Variants in MARCHF4 observed in about 807,000 individuals in gnomAD.
The protein encoded by MARCHF4 is membrane associated ring-CH-type finger 4.
A neutral mutation model predicts 43.9 loss-of-function variants in MARCHF4; 14 were observed. The observed-to-expected ratio is 0.32, with a 90% confidence interval of 0.21 to 0.50. The LOEUF (loss-of-function observed/expected upper bound fraction) is 0.50, where lower values mean the gene tolerates loss of function less well. Ranked by LOEUF, MARCHF4 falls within the 20% of genes least tolerant of loss-of-function variation. The probability of loss-of-function intolerance (pLI) is 0.98; values close to 1 mark genes in which losing one functional copy is unlikely to be tolerated. For synonymous variants in MARCHF4, 226 were observed against 213.3 expected, an observed-to-expected ratio of 1.06 and a Z score of -0.52; for missense variants, 468 against 536.7, an observed-to-expected ratio of 0.87 and a Z score of 1.27.
At chr2:216,362,467 G>A (rs960100817) in intron 1 of MARCHF4, among the ~76,000 whole-genome samples, 1 of 152,224 alleles carries the variant, frequency 6.6e-6, no homozygotes, top group African/African-American at 2.4e-5. Flanking sequence ...AGACATTGAT[G>A]TTGATTCTAT....
At chr2:216,315,939 C>T (rs4674074) in intron 1 of MARCHF4, among the ~76,000 whole-genome samples, 60,636 of 151,996 alleles carry the variant, frequency 0.4, 12,971 homozygotes, top group Middle Eastern at 0.52. Context: ...GCAGGTCTGT[C>T]TGATCTGCAT....
intron 3 of MARCHF4, among the ~76,000 whole-genome samples, chr2:216,267,654 G>A (rs556836153): frequency 8.2e-4 from 125 of 152,298 alleles, no homozygotes; most frequent in African/African-American, 2.7e-3. Context: ...AAAGAAGTTT[G>A]TGGCTTGATG....
chr2:216,321,021 T>C (rs763550079), intron 1 of MARCHF4, among the ~76,000 whole-genome samples: 1 of 151,714 alleles, frequency 6.6e-6, no homozygotes, highest in Non-Finnish European at 1.5e-5. Context: ...TTCTCTGAAG[T>C]TGAGTAAGAG....
At chr2:216,336,119 T>C (rs974539099) in intron 1 of MARCHF4, among the ~76,000 whole-genome samples, 4 of 148,450 alleles carry the variant, frequency 2.7e-5, no homozygotes, top group Non-Finnish European at 3.0e-5. Context: ...ACAAGTCAAT[T>C]GGTTATTAAT....
intron 1 of MARCHF4, among the ~76,000 whole-genome samples, chr2:216,368,415 G>A (rs1438422392): frequency 6.6e-6 from 1 of 152,172 alleles, no homozygotes; most frequent in Non-Finnish European, 1.5e-5. Flanking sequence ...ATCTTAAGAT[G>A]GAAGAACCCA....
At chr2:216,349,070 A>G (rs1251401472) in intron 1 of MARCHF4, among the ~76,000 whole-genome samples, 1 of 151,804 alleles carries the variant, frequency 6.6e-6, no homozygotes, top group Non-Finnish European at 1.5e-5. Flanking sequence ...TGGTGTCTTT[A>G]GGTTTCTGCA....
chr2:216,348,223 A>G lies in MARCHF4; in HGVS notation c.516+21522T>C, dbSNP rs148751914. Among the ~76,000 whole-genome samples the G allele has an allele frequency of 6.2e-3, 938 of 151,718 alleles. 7 individuals are homozygous for G. Among genetic ancestry groups the G allele is most frequent in the African/African-American group, 0.022 (892 of 41,378 alleles). ...AGGCTAATTTTGTATTTTTAGTAGA[A>G]ATGGGGTTTCTCCATGTTGGTCAGC... is the stretch of plus-strand genomic sequence containing the variant. On this transcript the variant is annotated intron_variant, in intron 1 of 3. Transcript: ENST00000273067.
chr2:216,263,393 C>T (rs1247408781), intron 3 of MARCHF4, among the ~76,000 whole-genome samples: 28 of 150,900 alleles, frequency 1.9e-4, no homozygotes, highest in Middle Eastern at 3.4e-3. Context: ...TGCCACTGCA[C>T]TCCAGCCTGG....
At chr2:216,279,759 C>A (rs1471614099) in intron 2 of MARCHF4, among the ~76,000 whole-genome samples, 1 of 152,194 alleles carries the variant, frequency 6.6e-6, no homozygotes, top group Non-Finnish European at 1.5e-5. Context: ...GTAATTGGGC[C>A]TTTACATTTT....
intron 1 of MARCHF4, among the ~76,000 whole-genome samples, chr2:216,350,305 TG>T (rs1371753201): frequency 9.8e-6 from 1 of 101,654 alleles, no homozygotes; most frequent in African/African-American, 3.9e-5. Context: ...CCCCTCACTG[TG>T]CCACACCCCT....
At chr2:216,269,458 G>C (rs189269757) in intron 3 of MARCHF4, among the ~76,000 whole-genome samples, 3 of 152,106 alleles carry the variant, frequency 2.0e-5, no homozygotes, top group African/African-American at 7.2e-5. Context: ...CATAGGTGAG[G>C]GAACAAAGAA....
intron 1 of MARCHF4, among the ~76,000 whole-genome samples, chr2:216,361,509 G>T (rs1692578826): frequency 6.6e-6 from 1 of 152,100 alleles, no homozygotes; most frequent in Non-Finnish European, 1.5e-5. Context: ...GGTACTCAAA[G>T]TCCAGGAAAG....
chr2:216,280,424 G>A (rs554179468), intron 2 of MARCHF4, among the ~76,000 whole-genome samples: 43 of 152,164 alleles, frequency 2.8e-4, no homozygotes, highest in Non-Finnish European at 4.3e-4. Context: ...ATTGGGTTCC[G>A]CTCCTACGCA....
chr2:216,368,919 G>C (rs920640219), intron 1 of MARCHF4, among the ~76,000 whole-genome samples: 6 of 152,142 alleles, frequency 3.9e-5, no homozygotes, highest in African/African-American at 1.4e-4. Flanking sequence ...GAATGAATAG[G>C]GTAGGGAAAA....
At position 216,355,672 on chromosome 2, in the gene MARCHF4, G is replaced by A. The variant is rs116613979; in HGVS notation, c.516+14073C>T. Among the ~76,000 whole-genome samples, 42 of 152,242 alleles carry A rather than the reference G, an allele frequency of 2.8e-4. No individual in the cohort carries two copies. In the East Asian group the frequency reaches 5.6e-3, roughly 20 times the overall value. On this transcript the variant is annotated intron_variant, in intron 1 of 3. Coordinates refer to ENST00000273067, the MANE Select transcript of MARCHF4 (RefSeq NM_020814.3). Reference sequence around the variant, plus strand: ...TTTTTATTTTTTTGCAGGCAAATGCGTAATGGATGTCAAAATCCAGAAATA... The same window carrying A: ...TTTTTATTTTTTTGCAGGCAAATGCATAATGGATGTCAAAATCCAGAAATA...
At chr2:216,349,361 G>A (rs1341191260) in intron 1 of MARCHF4, among the ~76,000 whole-genome samples, 1 of 152,198 alleles carries the variant, frequency 6.6e-6, no homozygotes, top group Non-Finnish European at 1.5e-5. Flanking sequence ...GGCTTCGATT[G>A]TGGTAATTAC....
At chr2:216,342,395 T>C (rs1371319299) in intron 1 of MARCHF4, among the ~76,000 whole-genome samples, 1 of 152,196 alleles carries the variant, frequency 6.6e-6, no homozygotes, top group African/African-American at 2.4e-5. Flanking sequence ...AACCCAAATC[T>C]GCCTGTCTCC....
At chr2:216,322,616 G>A (rs1348809699) in intron 1 of MARCHF4, among the ~76,000 whole-genome samples, 1 of 152,226 alleles carries the variant, frequency 6.6e-6, no homozygotes. Flanking sequence ...GAGATCAGGA[G>A]TTCGAAACCA....
chr2:216,314,633 A>G (rs1339314581), intron 1 of MARCHF4, among the ~76,000 whole-genome samples: 2 of 152,170 alleles, frequency 1.3e-5, no homozygotes, highest in Non-Finnish European at 2.9e-5. Context: ...TGTAACTACA[A>G]TTATTGATAA....
Sources: allele counts gnomAD v4.1 joint callset (sites outside exome capture counted in the v4.1 genomes callset), GRCh38; gene constraint gnomAD v4.1.1; transcripts MANE v1.5; gene names NCBI Gene and HGNC (gene_info 2026-07-23, HGNC 2026-07-21).